The following ATRNL1 variants were observed in gnomAD, a reference collection of about 807,000 sequenced individuals.
ATRNL1 encodes the protein attractin-like protein 1.
A neutral mutation model predicts 182.7 loss-of-function variants in ATRNL1; 95 were observed. The ratio of observed to expected loss-of-function variants is 0.52; its 90% confidence interval spans 0.44 to 0.62. ATRNL1 has a LOEUF of 0.62. Ranked by LOEUF, ATRNL1 falls within the 20% of genes least tolerant of loss-of-function variation. The pLI is 0.00. For synonymous variants in ATRNL1, 576 were observed against 568.3 expected (o/e 1.01, Z -0.19); for missense variants, 1,471 against 1,679.5 (o/e 0.88, Z 2.17).
Position 115,911,264 on chromosome 10 carries a change from T to A in ATRNL1, c.4019-33394T>A, listed in dbSNP as rs377587086. Among the ~76,000 whole-genome samples the A allele has an allele frequency of 5.9e-5, 9 of 152,150 alleles. No homozygotes were observed. In the East Asian group the frequency reaches 1.5e-3, roughly 26 times the overall value. The stretch of plus-strand genomic sequence containing the variant: ...ATCCAACTGCCTCAGCCTCCCAAAG[T>A]GCTAGGATTACAGACATGAGCCACC... On this transcript the variant is annotated intron_variant, in intron 28 of 28. Transcript: ENST00000355044.
intron 7 of ATRNL1, among the ~76,000 whole-genome samples, chr10:115,166,265 C>T (rs1280119075): frequency 6.6e-6 from 1 of 151,978 alleles, no homozygotes; most frequent in Non-Finnish European, 1.5e-5. Flanking sequence ...GTAAATATTC[C>T]ATTATATGTA....
chr10:115,619,782 A>G (rs1226989054), intron 26 of ATRNL1, among the ~76,000 whole-genome samples: 1 of 152,190 alleles, frequency 6.6e-6, no homozygotes, highest in Non-Finnish European at 1.5e-5. Context: ...TCTGATTTGT[A>G]TTTACCTAAC....
chr10:115,104,510 T>C (rs1379250183), intron 1 of ATRNL1, among the ~76,000 whole-genome samples: 1 of 152,198 alleles, frequency 6.6e-6, no homozygotes. Context: ...TTCATGTTGT[T>C]GATTGTTTCC....
At chr10:115,163,601 A>G (rs1365728954) in intron 6 of ATRNL1, among the ~76,000 whole-genome samples, 1 of 152,024 alleles carries the variant, frequency 6.6e-6, no homozygotes, top group East Asian at 1.9e-4. Context: ...CCAGTGCTCA[A>G]GTGATCCTCC....
chr10:115,100,691 G>T (rs1312939641), intron 1 of ATRNL1, among the ~76,000 whole-genome samples: 1 of 151,940 alleles, frequency 6.6e-6, no homozygotes, highest in African/African-American at 2.4e-5. Context: ...TTTCAGTTTT[G>T]TTCTTTTCCA....
intron 19 of ATRNL1, among the ~76,000 whole-genome samples, chr10:115,348,125 C>G (rs1365171300): frequency 2.6e-5 from 4 of 152,132 alleles, no homozygotes; most frequent in African/African-American, 9.7e-5. Context: ...AGGCACGCGC[C>G]ACTGCACCCA....
intron 24 of ATRNL1, among the ~76,000 whole-genome samples, chr10:115,515,146 C>A (rs1592768552): frequency 6.6e-6 from 1 of 151,880 alleles, no homozygotes; most frequent in East Asian, 1.9e-4. Flanking sequence ...GGCCTAGTTC[C>A]AGTTAATACC....
At chr10:115,475,428 T>C (rs1003392318) in intron 24 of ATRNL1, among the ~76,000 whole-genome samples, 8 of 151,536 alleles carry the variant, frequency 5.3e-5, no homozygotes, top group Non-Finnish European at 1.2e-4. Flanking sequence ...CTAGTTGTTA[T>C]CAATGGAAGT....
rs558684099 is a variant in ATRNL1 at position 115,348,841 on chromosome 10, A to T, written c.3175+14422A>T. ...TTAAAAAAATAATTGGATATATAAT[A>T]GTTGTACATATTTAAGGGGTACATG... On this transcript the variant is annotated intron_variant, in intron 19 of 28. Coordinates refer to ENST00000355044, the MANE Select transcript of ATRNL1 (RefSeq NM_207303.4). Among the ~76,000 whole-genome samples the T allele has an allele frequency of 2.0e-5, 3 of 152,204 alleles. No homozygotes were observed. The East Asian group carries it at 5.8e-4, about 29-fold the overall frequency.
At chr10:115,581,957 A>C (rs1293097771) in intron 26 of ATRNL1, among the ~76,000 whole-genome samples, 1 of 133,504 alleles carries the variant, frequency 7.5e-6, no homozygotes, top group Non-Finnish European at 1.5e-5. Flanking sequence ...ATGTGATCTC[A>C]TTGTTCAATT....
intron 21 of ATRNL1, among the ~76,000 whole-genome samples, chr10:115,431,701 G>A (rs186596099): frequency 1.3e-5 from 2 of 151,920 alleles, no homozygotes; most frequent in African/African-American, 2.4e-5. Context: ...GTTTTAATCC[G>A]TGTGCAATTA....
intron 19 of ATRNL1, among the ~76,000 whole-genome samples, chr10:115,382,537 G>A (rs1360403192): frequency 6.6e-6 from 1 of 151,630 alleles, no homozygotes; most frequent in Non-Finnish European, 1.5e-5. Flanking sequence ...TTTATATCCT[G>A]CTTACACATT....
chr10:115,153,894 G>A (rs1450998624), intron 5 of ATRNL1, among the ~76,000 whole-genome samples: 1 of 151,898 alleles, frequency 6.6e-6, no homozygotes, highest in Non-Finnish European at 1.5e-5. Context: ...CTTTGAATGT[G>A]TCCCAGAGAT....
At chr10:115,118,682 G>C (rs1283868567) in intron 1 of ATRNL1, among the ~76,000 whole-genome samples, 1 of 152,072 alleles carries the variant, frequency 6.6e-6, no homozygotes, top group African/African-American at 2.4e-5. Context: ...TCCCCTTGAG[G>C]CTACTAAATG....
At chr10:115,708,925 C>T (rs531176187) in intron 26 of ATRNL1, among the ~76,000 whole-genome samples, 1 of 151,852 alleles carries the variant, frequency 6.6e-6, no homozygotes, top group African/African-American at 2.4e-5. Flanking sequence ...TTAGTTATCT[C>T]ACTTTTTTTG....
intron 19 of ATRNL1, among the ~76,000 whole-genome samples, chr10:115,336,118 T>C (rs1554936616): frequency 6.6e-6 from 1 of 152,226 alleles, no homozygotes; most frequent in Non-Finnish European, 1.5e-5. Context: ...TCATTTTACA[T>C]GTGGACACAA....
intron 26 of ATRNL1, among the ~76,000 whole-genome samples, chr10:115,560,766 T>C (rs782793511): frequency 4.0e-5 from 6 of 151,216 alleles, no homozygotes; most frequent in Non-Finnish European, 8.9e-5. Context: ...ACTATGCAAG[T>C]ATAGTAATCA....
Position 115,133,240 on chromosome 10 carries a change from G to A in ATRNL1, c.829+3705G>A, listed in dbSNP as rs182568703. Among the ~76,000 whole-genome samples the A allele has an allele frequency of 2.0e-5, 3 of 152,254 alleles. No individual in the cohort carries two copies. The East Asian group carries it at 5.8e-4, about 29-fold the overall frequency. ...CAGGTTTGTCAAAGATCAGGTGGTT[G>A]TAGATGTGTGGTATTATTTCTGAGG... is the stretch of plus-strand genomic sequence containing the variant. On this transcript the variant is annotated intron_variant, in intron 5 of 28. Transcript: ENST00000355044.
chr10:115,630,943 A>C (rs1305762854), intron 26 of ATRNL1, among the ~76,000 whole-genome samples: 1 of 151,430 alleles, frequency 6.6e-6, no homozygotes, highest in African/African-American at 2.4e-5. Context: ...TGTAGAGTAC[A>C]TTACACTAAG....
Sources: allele counts gnomAD v4.1 joint callset (sites outside exome capture counted in the v4.1 genomes callset), GRCh38; gene constraint gnomAD v4.1.1; transcripts MANE v1.5; gene names NCBI Gene and HGNC (gene_info 2026-07-23, HGNC 2026-07-21).